The following PHIP variants were observed in gnomAD, a reference collection of about 807,000 sequenced individuals.
PHIP encodes PHIP subunit of CUL4-Ring ligase complex, also known as PH-interacting protein.
PHIP carries 54 observed loss-of-function variants against 236.8 expected under a neutral mutation model. The observed-to-expected ratio is 0.23, with a 90% CI of 0.18 to 0.29. The LOEUF is 0.29. Ranked by LOEUF, PHIP falls within the 10% of genes least tolerant of loss-of-function variation. The pLI is 1.00. For missense variants in PHIP, 1,370 were observed against 2,190.8 expected, an observed-to-expected ratio of 0.63 and a Z score of 7.48; for synonymous variants, 756 against 718.9, an observed-to-expected ratio of 1.05 and a Z score of -0.83.
rs1323164298 is a variant in PHIP at position 78,946,025 on chromosome 6, C to T, written c.4606G>A (p.Ala1536Thr). 1.9e-6 allele frequency: 3 copies of T among 1,609,662 alleles called. No homozygotes were observed. The highest frequency in any genetic ancestry group is 2.6e-6 in the Non-Finnish European group (3 of 1,175,982). ...AAKTFITKANASAIPGKTILE... is the reference protein window; with the variant it reads ...AAKTFITKANTSAIPGKTILE... ...CTTGTTTTCCCTGGTATTGCAGATGCATTAGCTTTTGTAATAAAAGTCTTT... is the reference window on the plus strand; with the variant it reads ...CTTGTTTTCCCTGGTATTGCAGATGTATTAGCTTTTGTAATAAAAGTCTTT... The change falls in exon 38 of 40, where the codon GCA (alanine) becomes ACA (threonine). Residue 1536 changes from alanine (A) to threonine (T), a missense_variant. Coordinates refer to ENST00000275034, the MANE Select transcript of PHIP (RefSeq NM_017934.7).
At chr6:79,004,224 C>T (rs185349321) in intron 15 of PHIP, among the ~76,000 whole-genome samples, 138 of 152,076 alleles carry the variant, frequency 9.1e-4, no homozygotes, top group African/African-American at 3.3e-3. Flanking sequence ...AGCAACTGTA[C>T]GGATTTTTTG....
intron 7 of PHIP, among the ~76,000 whole-genome samples, chr6:79,031,822 G>C (rs532581464): frequency 6.6e-6 from 1 of 152,176 alleles, no homozygotes; most frequent in African/African-American, 2.4e-5. Flanking sequence ...CTTACTATAA[G>C]CAATTAGTAT....
At chr6:79,004,005 T>C (rs1770151709) in intron 15 of PHIP, 147 bp from the exon 16 acceptor site, 4 of 483,798 alleles carry the variant, frequency 8.3e-6, no homozygotes, top group Middle Eastern at 4.0e-4. Flanking sequence ...ATAAAATTTA[T>C]GAATATTCAT....
chr6:79,003,642 G>A, intron 16 of PHIP, 88 bp downstream of exon 16: 3 of 837,848 alleles, frequency 3.6e-6, no homozygotes, highest in Non-Finnish European at 5.3e-6. Context: ...ATGTAAAGAT[G>A]CTGATTCTCA....
chr6:79,041,296 T>C (rs1772197680), intron 7 of PHIP, among the ~76,000 whole-genome samples: 1 of 152,094 alleles, frequency 6.6e-6, no homozygotes, highest in South Asian at 2.1e-4. Flanking sequence ...TCCAAGTCTG[T>C]ACCTACCACA....
chr6:79,008,533 CT>C (rs1455365521), intron 15 of PHIP, among the ~76,000 whole-genome samples: 1 of 152,008 alleles, frequency 6.6e-6, no homozygotes, highest in Non-Finnish European at 1.5e-5. Flanking sequence ...GGCTTATTTT[CT>C]TTTGGTCTTT....
chr6:78,951,646 T>G (rs1291618238), intron 35 of PHIP, among the ~76,000 whole-genome samples: 1 of 152,242 alleles, frequency 6.6e-6, no homozygotes, highest in East Asian at 1.9e-4. Flanking sequence ...TACTTTTTGT[T>G]GCCTAACACG....
At chr6:79,068,799 T>C (rs554235807) in intron 4 of PHIP, among the ~76,000 whole-genome samples, 58 of 152,348 alleles carry the variant, frequency 3.8e-4, no homozygotes, top group African/African-American at 1.3e-3. Context: ...CAAAGTGATG[T>C]TAGATCAATA....
chr6:78,990,763 A>G (rs1006147642), intron 20 of PHIP, 105 bp downstream of exon 20: 1 of 559,202 alleles, frequency 1.8e-6, no homozygotes, highest in East Asian at 3.0e-5. Context: ...GTTAATTTTT[A>G]TCATTAACCT....
At chr6:79,067,560 T>C (rs962744387) in intron 4 of PHIP, 1 of 152,224 alleles carries the variant, frequency 6.6e-6, no homozygotes, top group Non-Finnish European at 1.5e-5. Flanking sequence ...ACTATCTCCA[T>C]TGCATGTTCT....
chr6:78,994,002 C>T (rs968487989), intron 19 of PHIP, among the ~76,000 whole-genome samples: 9 of 152,176 alleles, frequency 5.9e-5, no homozygotes, highest in African/African-American at 2.2e-4. Flanking sequence ...GGAAAAGTAT[C>T]ACTGTTAACA....
At chr6:78,963,457 T>C (rs1447112487) in intron 29 of PHIP, among the ~76,000 whole-genome samples, 3 of 152,182 alleles carry the variant, frequency 2.0e-5, no homozygotes, top group Non-Finnish European at 4.4e-5. Flanking sequence ...AGTAATTCTC[T>C]AAATAATTAC....
At chr6:78,974,284 C>A (rs1271983200) in intron 24 of PHIP, among the ~76,000 whole-genome samples, 1 of 151,820 alleles carries the variant, frequency 6.6e-6, no homozygotes. Flanking sequence ...CTACTGGGTA[C>A]ATAATGAAAT....
rs1244721732 is a variant in PHIP, at chr6:79,078,198, A to G, written c.-130T>C. On this transcript the variant is annotated 5_prime_UTR_variant, in exon 1 of 40. Coordinates refer to ENST00000275034, the MANE Select transcript of PHIP (RefSeq NM_017934.7). ...CGAGCTTCGGCTCCACCATTCAAGC[A>G]ACGGCGGCGGAGGCGGAGGAGGAGG... 2.3e-6 allele frequency: 2 copies of G among 869,652 alleles called. No individual in the cohort carries two copies. Among genetic ancestry groups the G allele is most frequent in the East Asian group, 5.6e-5 (2 of 35,598 alleles). 53.9% of individuals were successfully genotyped at this position (869,652 alleles called of 1,614,324 possible). A position where few individuals can be genotyped will look rare whatever the true frequency, so the allele number is the denominator to read the frequency against.
intron 4 of PHIP, among the ~76,000 whole-genome samples, chr6:79,066,816 T>A (rs969017687): frequency 6.6e-6 from 1 of 152,204 alleles, no homozygotes; most frequent in African/African-American, 2.4e-5. Context: ...TTTGTTACTA[T>A]TTTTTAAATT....
chr6:78,995,006 C>T (rs948698212), intron 19 of PHIP, among the ~76,000 whole-genome samples: 1 of 152,178 alleles, frequency 6.6e-6, no homozygotes, highest in Non-Finnish European at 1.5e-5. Flanking sequence ...TGCTTTACTG[C>T]ACTGGTCTGA....
intron 19 of PHIP, among the ~76,000 whole-genome samples, chr6:78,993,982 C>T (rs531640730): frequency 9.9e-5 from 15 of 152,276 alleles, no homozygotes; most frequent in African/African-American, 3.6e-4. Flanking sequence ...ATTTATGATT[C>T]ATGGGAAGAG....
intron 35 of PHIP, among the ~76,000 whole-genome samples, chr6:78,952,363 G>C (rs1184204145): frequency 2.0e-5 from 3 of 147,422 alleles, no homozygotes; most frequent in Non-Finnish European, 4.5e-5. Flanking sequence ...AGTTTGTAGT[G>C]AGCCGAGATT....
At chr6:79,062,772 C>T (rs1372290467) in intron 4 of PHIP, among the ~76,000 whole-genome samples, 1 of 152,118 alleles carries the variant, frequency 6.6e-6, no homozygotes, top group Non-Finnish European at 1.5e-5. Flanking sequence ...TCTTAAATTC[C>T]TTGTGCTTTC....
Sources: gnomAD v4.1 joint callset for allele counts (sites outside exome capture counted in the v4.1 genomes callset) on GRCh38, gnomAD v4.1.1 for gene constraint, MANE v1.5 for transcripts, NCBI Gene and HGNC (gene_info 2026-07-23, HGNC 2026-07-21) for gene names.